DNAH14: variants seen among roughly 807,000 people sequenced by gnomAD.
DNAH14 encodes dynein axonemal heavy chain 14.
DNAH14 carries 478 observed loss-of-function variants against 520.9 expected under a neutral mutation model. The observed-to-expected ratio is 0.92, with a 90% CI of 0.85 to 0.99. The LOEUF is 0.99. Ranked by LOEUF, DNAH14 falls within the 50% of genes least tolerant of loss-of-function variation. The pLI is 0.00. For missense variants in DNAH14, 4,831 were observed against 5,234.5 expected (o/e 0.92, Z 2.38); for synonymous variants, 1,581 against 1,757.2 (o/e 0.90, Z 2.51).
intron 69 of DNAH14, among the ~76,000 whole-genome samples, chr1:225,342,905 C>T (rs747856206): frequency 6.6e-6 from 1 of 151,226 alleles, no homozygotes; most frequent in Non-Finnish European, 1.5e-5. Context: ...GGCCGGCGCT[C>T]ACAGGTGCTA....
chr1:225,351,668 G>A lies in DNAH14; in HGVS notation c.11318G>A (p.Ser3773Asn), dbSNP rs1162807580. The A allele has an allele frequency of 2.6e-6, 4 of 1,548,328 alleles. No individual in the cohort carries two copies. Among genetic ancestry groups the A allele is most frequent in the South Asian group, 1.2e-5 (1 of 83,816 alleles). ...RLTSTFEIGE[S>N]QHLQWLSDSR... ...TCAGGCACATTTGAAATAGGTGAAA[G>A]TCAACATCTTCAGTGGCTGTCAGAT... The change falls in exon 72 of 86, where the codon AGT (serine) becomes AAT (asparagine). Residue 3773 changes from serine to asparagine, a missense_variant. Transcript: ENST00000682510.
At chr1:224,959,741 G>A (rs1288701840) in intron 3 of DNAH14, among the ~76,000 whole-genome samples, 3 of 151,982 alleles carry the variant, frequency 2.0e-5, no homozygotes, top group Non-Finnish European at 4.4e-5. Flanking sequence ...TTTCATGTGA[G>A]GATTCACACT....
intron 25 of DNAH14, 108 bp from the exon 26 acceptor site, chr1:225,119,112 T>C: frequency 1.4e-6 from 1 of 720,990 alleles, no homozygotes; most frequent in Non-Finnish European, 2.1e-6. Context: ...CTTTGGCCCA[T>C]GAATATTATT....
chr1:225,020,713 A>G (rs1262594692), intron 10 of DNAH14, among the ~76,000 whole-genome samples: 1 of 152,040 alleles, frequency 6.6e-6, no homozygotes, highest in African/African-American at 2.4e-5. Context: ...CTTGGACCAT[A>G]TGGATTTGAT....
chr1:225,354,464 T>C (rs1193285179), intron 73 of DNAH14, among the ~76,000 whole-genome samples: 1 of 152,192 alleles, frequency 6.6e-6, no homozygotes, highest in Non-Finnish European at 1.5e-5. Context: ...GTGTCATTTA[T>C]GAGCACCCCT....
chr1:225,177,701 C>T (rs1490637650), intron 36 of DNAH14, among the ~76,000 whole-genome samples: 2 of 152,134 alleles, frequency 1.3e-5, no homozygotes, highest in Admixed American at 1.3e-4. Context: ...CACAGAAGTC[C>T]AGAACTGGGG....
chr1:225,104,916 G>A (rs930137323), intron 23 of DNAH14, among the ~76,000 whole-genome samples: 2 of 151,952 alleles, frequency 1.3e-5, no homozygotes, highest in African/African-American at 4.8e-5. Context: ...GTTATTTCTT[G>A]CCTTCTGCAA....
rs1179004206 is a variant in DNAH14 at position 225,240,655 on chromosome 1, T to A, written c.6581T>A (p.Leu2194His). ...PDKLTKIIQK[L>H]FVFAFTWAFG... is the part of the protein sequence containing the mutation. Reference sequence around the variant, plus strand: ...AAATTAACAAAAATTATTCAAAAGCTTTTTGTGTTTGCCTTTACTTGGGCA... The same window carrying A: ...AAATTAACAAAAATTATTCAAAAGCATTTTGTGTTTGCCTTTACTTGGGCA... The change falls in exon 43 of 86, where the codon CTT becomes CAT. Residue 2194 changes from leucine (L) to histidine (H), a missense_variant. Physicochemically the swap from Leu to His is moderately conservative, Grantham distance 99. Coordinates refer to ENST00000682510, the MANE Select transcript of DNAH14 (RefSeq NM_001367479.1). The A allele has an allele frequency of 1.9e-6, 3 of 1,550,834 alleles. No homozygotes were observed. The East Asian group carries it at 7.4e-5, about 38-fold the overall frequency.
intron 1 of DNAH14, among the ~76,000 whole-genome samples, chr1:224,933,266 A>G (rs1424052103): frequency 6.6e-6 from 1 of 152,086 alleles, no homozygotes; most frequent in African/African-American, 2.4e-5. Context: ...TGATTTTTGT[A>G]CATTGATTTT....
chr1:224,945,333 G>T (rs2449316), intron 1 of DNAH14, among the ~76,000 whole-genome samples: 22,965 of 152,026 alleles, frequency 0.15, 3,203 homozygotes, highest in African/African-American at 0.36. Flanking sequence ...TGCCTTGGTT[G>T]TCAGCTCCAT....
At chr1:225,185,540 G>T in intron 37 of DNAH14, 115 bp downstream of exon 37, 3 of 1,128,056 alleles carry the variant, frequency 2.7e-6, no homozygotes, top group South Asian at 2.3e-5. Context: ...CTTATTGCTA[G>T]GAATTTTGTA....
At chr1:225,216,298 A>G (rs2149481768) in intron 41 of DNAH14, among the ~76,000 whole-genome samples, 1 of 152,288 alleles carries the variant, frequency 6.6e-6, no homozygotes, top group South Asian at 2.1e-4. Context: ...TTTGTGGGTA[A>G]CCCAACCTTT....
intron 75 of DNAH14, 105 bp downstream of exon 75, chr1:225,360,996 T>A (rs2095486321): frequency 9.6e-7 from 1 of 1,046,556 alleles, no homozygotes; most frequent in Non-Finnish European, 1.4e-6. Flanking sequence ...AGCAAAATAA[T>A]GTGCTGAGCC....
Position 225,096,608 on chromosome 1 carries a change from T to C in DNAH14, c.3574-510T>C, listed in dbSNP as rs567991513. On this transcript the variant is annotated intron_variant, in intron 21 of 85. Transcript: ENST00000682510. ...TAAAATACTGAAGAAGACGTATAAG[T>C]ACTGACATAAAACCTCTCTAGAAGA... Among the ~76,000 whole-genome samples the C allele has an allele frequency of 2.0e-5, 3 of 152,284 alleles. No individual in the cohort carries two copies. The East Asian group carries it at 5.8e-4, about 29-fold the overall frequency.
chr1:225,039,857 G>A (rs1225621905), intron 12 of DNAH14, among the ~76,000 whole-genome samples: 1 of 100,152 alleles, frequency 1.0e-5, no homozygotes, highest in Admixed American at 1.1e-4. Context: ...CAGCCTGGGC[G>A]ACAGAGCGAG....
At chr1:225,189,355 C>T (rs1401298632) in intron 37 of DNAH14, among the ~76,000 whole-genome samples, 1 of 150,824 alleles carries the variant, frequency 6.6e-6, no homozygotes, top group Non-Finnish European at 1.5e-5. Context: ...GGTATGCTAT[C>T]AGAGTAATGC....
At position 225,337,402 on chromosome 1, in the gene DNAH14, A is replaced by C; in HGVS notation, c.10217A>C (p.Glu3406Ala). ...GCTCACAAATGGATCCGTCAGATGG[A>C]AGGATCCAGGCTGCAGAAGCTCTCC... ...RQAHKWIRQM[E>A]GSRLQKLSIE... Residue 3406 changes from glutamate to alanine, a missense_variant, in exon 67 of 86, where the codon GAA (glutamate) becomes GCA (alanine). Glu to Ala is a moderately radical substitution (Grantham distance 107, BLOSUM62 -1). Coordinates refer to ENST00000682510, the MANE Select transcript of DNAH14 (RefSeq NM_001367479.1). The C allele has an allele frequency of 6.4e-7, 1 of 1,551,698 alleles. No individual in the cohort carries two copies.
At chr1:224,995,361 A>G (rs1045111769) in intron 8 of DNAH14, among the ~76,000 whole-genome samples, 1 of 151,912 alleles carries the variant, frequency 6.6e-6, no homozygotes, top group African/African-American at 2.4e-5. Context: ...AGCATTTTTA[A>G]TATATCATCC....
chr1:225,168,071 C>A, intron 36 of DNAH14, 43 bp downstream of exon 36: 1 of 1,113,050 alleles, frequency 9.0e-7, no homozygotes, highest in Non-Finnish European at 1.3e-6. Flanking sequence ...GCCTGTATTT[C>A]AATAGGAATT....
Sources: gnomAD v4.1 joint callset for allele counts (sites outside exome capture counted in the v4.1 genomes callset) on GRCh38, gnomAD v4.1.1 for gene constraint, MANE v1.5 for transcripts, NCBI Gene and HGNC (gene_info 2026-07-23, HGNC 2026-07-21) for gene names.